Variants in GDPD1 observed in about 807,000 individuals in gnomAD.
The protein encoded by GDPD1 is glycerophosphodiester phosphodiesterase domain containing 1.
A neutral mutation model predicts 45.1 loss-of-function variants in GDPD1; 28 were observed. The ratio of observed to expected loss-of-function variants is 0.62; its 90% confidence interval spans 0.46 to 0.85. GDPD1 has a LOEUF of 0.85. Among genes scored for constraint, GDPD1 ranks in the 40% least tolerant of loss-of-function variants. GDPD1 has a pLI of 0.00. For missense variants in GDPD1, 256 were observed against 364.8 expected (o/e 0.70, Z 2.43); for synonymous variants, 139 against 131.4 (o/e 1.06, Z -0.40).
chr17:59,239,763 T>A (rs1195675906), intron 2 of GDPD1, among the ~76,000 whole-genome samples: 2 of 46,920 alleles, frequency 4.3e-5, no homozygotes, highest in South Asian at 1.6e-3. Context: ...ATATGTATAG[T>A]TTTTTTTTTT....
rs541165669 is a variant in GDPD1 at position 59,234,390 on chromosome 17, A to T, written c.143-102A>T. ...AAACACTTGTAATGTCTACCCCCAAAAAAAAAAAAAAGGTCAAGATTCATT... is the reference window on the plus strand; with the variant it reads ...AAACACTTGTAATGTCTACCCCCAATAAAAAAAAAAAGGTCAAGATTCATT... On this transcript the variant is annotated intron_variant, in intron 1 of 9. Transcript: ENST00000284116. 5.1e-4 allele frequency: 355 copies of T among 694,344 alleles called. 2 individuals carry two copies. In the African/African-American group the frequency reaches 5.9e-3, roughly 12 times the overall value. The allele number at this position is 694,344 out of a possible 1,614,324, so 43.0% of individuals were successfully genotyped here.
chr17:59,228,999 T>C (rs2047068139), intron 1 of GDPD1, among the ~76,000 whole-genome samples: 1 of 151,832 alleles, frequency 6.6e-6, no homozygotes, highest in Non-Finnish European at 1.5e-5. Flanking sequence ...CAGGTTAAGC[T>C]TCCCTAATCT....
chr17:59,258,210 A>G (rs1258116832), intron 6 of GDPD1, among the ~76,000 whole-genome samples: 1 of 147,938 alleles, frequency 6.8e-6, no homozygotes, highest in Non-Finnish European at 1.5e-5. Context: ...TACAGGTGTG[A>G]GCCATTGTGC....
At chr17:59,256,090 G>A (rs1344559505) in intron 4 of GDPD1, among the ~76,000 whole-genome samples, 8 of 151,308 alleles carry the variant, frequency 5.3e-5, no homozygotes, top group African/African-American at 1.5e-4. Flanking sequence ...AGGCCGAGGC[G>A]GGCAGATCAC....
chr17:59,238,549 G>A (rs536722676), intron 2 of GDPD1, among the ~76,000 whole-genome samples: 2 of 151,888 alleles, frequency 1.3e-5, no homozygotes, highest in East Asian at 2.0e-4. Flanking sequence ...GAGTAGCTGG[G>A]ACTACAGGCG....
In GDPD1 at chr17:59,272,825, C is replaced by T. The variant is rs779163162; in HGVS notation, c.811C>T (p.Arg271Ter). The T allele has an allele frequency of 1.1e-5, 18 of 1,613,430 alleles. No individual in the cohort carries two copies. Among genetic ancestry groups the T allele is most frequent in the African/African-American group, 2.7e-5 (2 of 74,870 alleles). The change falls in exon 9 of 10, where the codon CGA becomes TGA. Residue 271 changes from arginine to a stop codon, truncating the protein, a stop_gained. Coordinates refer to ENST00000284116, the MANE Select transcript of GDPD1 (RefSeq NM_182569.4). LOFTEE classifies it high-confidence loss of function. Reference sequence around the variant, plus strand: ...AGCTTTGTTTGACCACCTAACTGCTCGAGGCATTCAAGTAAGTTTCTGGAA... The same window carrying T: ...AGCTTTGTTTGACCACCTAACTGCTTGAGGCATTCAAGTAAGTTTCTGGAA... Reference protein sequence around the residue: ...RKALFDHLTARGIQVYIWVLN... With the variant: ...RKALFDHLTA
chr17:59,272,880 C>T (rs1483883607), intron 9 of GDPD1, 44 bp downstream of exon 9: 6 of 1,612,946 alleles, frequency 3.7e-6, no homozygotes, highest in African/African-American at 1.3e-5. Context: ...CATAGCTCAC[C>T]AGTTTAACAC....
chr17:59,263,937 G>A (rs191927928), intron 6 of GDPD1, among the ~76,000 whole-genome samples: 67 of 152,158 alleles, frequency 4.4e-4, no homozygotes, highest in Admixed American at 1.7e-3. Flanking sequence ...CACACTTAAC[G>A]CAGTGGTTCT....
chr17:59,234,094 C>G (rs1267514105), intron 1 of GDPD1, among the ~76,000 whole-genome samples: 1 of 151,972 alleles, frequency 6.6e-6, no homozygotes, highest in Non-Finnish European at 1.5e-5. Context: ...CTTTAAAACA[C>G]TTGTACACTT....
intron 1 of GDPD1, among the ~76,000 whole-genome samples, chr17:59,224,867 A>C (rs939785621): frequency 1.3e-4 from 20 of 152,086 alleles, no homozygotes; most frequent in African/African-American, 4.6e-4. Context: ...ATTTGATGCC[A>C]TATCAAAGAA....
chr17:59,258,756 G>GA (rs1474082530), intron 6 of GDPD1, among the ~76,000 whole-genome samples: 7 of 151,990 alleles, frequency 4.6e-5, no homozygotes, highest in African/African-American at 1.7e-4. Flanking sequence ...TGTATTAAAG[G>GA]AAAAAATACA....
At chr17:59,261,393 T>A (rs1489508923) in intron 6 of GDPD1, among the ~76,000 whole-genome samples, 2 of 152,144 alleles carry the variant, frequency 1.3e-5, no homozygotes, top group African/African-American at 4.8e-5. Flanking sequence ...ACTTAGACTC[T>A]TCCATAACTC....
intron 7 of GDPD1, among the ~76,000 whole-genome samples, chr17:59,267,538 C>T (rs8068366): frequency 0.024 from 3,626 of 152,160 alleles, 150 homozygotes; most frequent in African/African-American, 0.083. Flanking sequence ...TTCCATTAAA[C>T]TCCAAATTAA....
chr17:59,265,056 G>C (rs1055397171), intron 6 of GDPD1, among the ~76,000 whole-genome samples: 1 of 151,924 alleles, frequency 6.6e-6, no homozygotes, highest in Non-Finnish European at 1.5e-5. Context: ...GGCCAGGCTG[G>C]TCTCGAAGTC....
intron 1 of GDPD1, among the ~76,000 whole-genome samples, chr17:59,224,839 A>G (rs2047035254): frequency 6.6e-6 from 1 of 152,016 alleles, no homozygotes; most frequent in Non-Finnish European, 1.5e-5. Flanking sequence ...TAAAGTAAAC[A>G]AATTACCACT....
At chr17:59,254,370 A>AG (rs1290371943) in intron 4 of GDPD1, among the ~76,000 whole-genome samples, 2 of 142,228 alleles carry the variant, frequency 1.4e-5, no homozygotes, top group Non-Finnish European at 3.0e-5. Context: ...CAAAAAAAAA[A>AG]AAAAAAAAAG....
In GDPD1 at chr17:59,255,784, TAC is replaced by T. The variant is rs1185757992; in HGVS notation, c.368-1337_368-1336del. ...AAAAATATATATATATATATATATA[TAC>T]GCGTATATATGTATATATATATATA... On this transcript the variant is annotated intron_variant, in intron 4 of 9. Transcript: ENST00000284116. 2.8e-3 allele frequency among the ~76,000 whole-genome samples: 165 copies of T among 58,138 alleles called. 21 individuals carry two copies. Among genetic ancestry groups the T allele is most frequent in the African/African-American group, 0.02 (152 of 7,630 alleles). The allele number at this position is 58,138 out of a possible 152,430, so 38.1% of individuals were successfully genotyped here. A position where few individuals can be genotyped will look rare whatever the true frequency, so the allele number is the denominator to read the frequency against.
intron 2 of GDPD1, among the ~76,000 whole-genome samples, chr17:59,237,725 G>T (rs575151320): frequency 4.5e-4 from 69 of 152,102 alleles, no homozygotes; most frequent in African/African-American, 1.6e-3. Context: ...AAATCAAAAG[G>T]TATTAAGACT....
intron 1 of GDPD1, among the ~76,000 whole-genome samples, chr17:59,227,817 G>T (rs146044666): frequency 8.8e-4 from 134 of 152,172 alleles, no homozygotes; most frequent in African/African-American, 3.1e-3. Flanking sequence ...TCATTATACA[G>T]CATTAATTGT....
Sources: allele counts gnomAD v4.1 joint callset (sites outside exome capture counted in the v4.1 genomes callset), GRCh38; gene constraint gnomAD v4.1.1; transcripts MANE v1.5; gene names NCBI Gene and HGNC (gene_info 2026-07-23, HGNC 2026-07-21).